The following KCND3 variants were observed in gnomAD, a reference collection of about 807,000 sequenced individuals.
The protein encoded by KCND3 is potassium voltage-gated channel subfamily D member 3, also known as A-type voltage-gated potassium channel KCND3.
Under a neutral mutation model 51.1 loss-of-function variants are expected in KCND3, and 9 were observed. The ratio of observed to expected loss-of-function variants is 0.18; its 90% CI spans 0.11 to 0.31. The LOEUF is 0.31. KCND3 is among the 10% of genes least tolerant of loss of function. The probability of loss-of-function intolerance (pLI) is 1.00; values close to 1 mark genes in which losing one functional copy is unlikely to be tolerated. For synonymous variants in KCND3, 349 were observed against 368.0 expected, an observed-to-expected ratio of 0.95 and a Z score of 0.59; for missense variants, 526 against 903.8, an observed-to-expected ratio of 0.58 and a Z score of 5.36.
intron 2 of KCND3, among the ~76,000 whole-genome samples, chr1:111,911,546 G>A (rs1670946437): frequency 6.6e-6 from 1 of 152,170 alleles, no homozygotes; most frequent in Non-Finnish European, 1.5e-5. Flanking sequence ...TGTACCAGCT[G>A]CTGTATATAG....
At position 111,775,818 on chromosome 1, in the gene KCND3, G is replaced by GGCCCCCCCCCCCCCCC; in HGVS notation, c.*258_*259insGGGGGGGGGGGGGGGC. On this transcript the variant is annotated 3_prime_UTR_variant, in exon 8 of 8. Coordinates refer to ENST00000302127, the MANE Select transcript of KCND3 (RefSeq NM_001378969.1). ...AGCCTATATCCCCCGGCCTATCCCCGACCCCCCCACCCTCCCTCCCTTCCT... is the reference window on the plus strand; with the variant it reads ...AGCCTATATCCCCCGGCCTATCCCCGGCCCCCCCCCCCCCCCACCCCCCCACCCTCCCTCCCTTCCT... The GGCCCCCCCCCCCCCCC allele has an allele frequency of 5.0e-5, 5 of 99,730 alleles. No individual in the cohort carries two copies. Among genetic ancestry groups the GGCCCCCCCCCCCCCCC allele is most frequent in the South Asian group, 2.5e-4 (2 of 8,076 alleles). The allele number at this position is 99,730 out of a possible 1,614,324, so 6.2% of individuals were successfully genotyped here. A position where few individuals can be genotyped will look rare whatever the true frequency, so the allele number is the denominator to read the frequency against.
intron 2 of KCND3, among the ~76,000 whole-genome samples, chr1:111,808,771 C>G (rs576970762): frequency 6.6e-6 from 1 of 152,340 alleles, no homozygotes; most frequent in Non-Finnish European, 1.5e-5. Context: ...ACAAAATCCC[C>G]AGCTCCAAGA....
At chr1:111,973,597 G>C (rs1674462937) in intron 2 of KCND3, among the ~76,000 whole-genome samples, 1 of 152,216 alleles carries the variant, frequency 6.6e-6, no homozygotes, top group Non-Finnish European at 1.5e-5. Context: ...ATAATGTAGG[G>C]GGGAAGTTCC....
intron 2 of KCND3, among the ~76,000 whole-genome samples, chr1:111,980,177 C>T (rs986679606): frequency 4.0e-5 from 6 of 149,962 alleles, no homozygotes; most frequent in Non-Finnish European, 8.9e-5. Context: ...CATTCTTACC[C>T]ACTCTGGGTG....
intron 6 of KCND3, 38 bp downstream of exon 6, chr1:111,778,396 CAG>C (rs1377672431): frequency 6.3e-7 from 1 of 1,575,144 alleles, no homozygotes. Flanking sequence ...TCAGAATTAT[CAG>C]AGAGAAAAAC....
chr1:111,889,370 C>T (rs1669722861), intron 2 of KCND3, among the ~76,000 whole-genome samples: 1 of 152,198 alleles, frequency 6.6e-6, no homozygotes, highest in Non-Finnish European at 1.5e-5. Context: ...CAGATAATCA[C>T]TCAATAGGCA....
intron 2 of KCND3, among the ~76,000 whole-genome samples, chr1:111,935,551 C>A (rs1057309659): frequency 4.6e-5 from 7 of 152,088 alleles, no homozygotes; most frequent in Non-Finnish European, 1.0e-4. Flanking sequence ...ATACACTTGG[C>A]AATGATTAAT....
chr1:111,775,820 C>CT lies in KCND3; in HGVS notation c.*256_*257insA. The CT allele has an allele frequency of 1.6e-5, 2 of 124,964 alleles. No individual in the cohort carries two copies. Among genetic ancestry groups the CT allele is most frequent in the Non-Finnish European group, 3.3e-5 (2 of 60,304 alleles). 7.7% of individuals were successfully genotyped at this position (124,964 alleles called of 1,614,324 possible). On this transcript the variant is annotated 3_prime_UTR_variant, in exon 8 of 8. Transcript: ENST00000302127. ...CCTATATCCCCCGGCCTATCCCCGA[C>CT]CCCCCCACCCTCCCTCCCTTCCTCT...
At chr1:111,778,958 C>T (rs951080881) in intron 5 of KCND3, among the ~76,000 whole-genome samples, 1 of 152,184 alleles carries the variant, frequency 6.6e-6, no homozygotes, top group Non-Finnish European at 1.5e-5. Context: ...TTTCAATTTA[C>T]ACATTCCACC....
chr1:111,957,065 G>A (rs1673379129), intron 2 of KCND3, among the ~76,000 whole-genome samples: 1 of 152,210 alleles, frequency 6.6e-6, no homozygotes, highest in South Asian at 2.1e-4. Flanking sequence ...ACAATAAGGG[G>A]AGGAAAACAT....
chr1:111,824,751 C>A (rs1666500214), intron 2 of KCND3, among the ~76,000 whole-genome samples: 1 of 152,182 alleles, frequency 6.6e-6, no homozygotes. Context: ...AGATGCCAGA[C>A]CCCTCATCCA....
At chr1:111,801,646 C>T (rs921021877) in intron 2 of KCND3, among the ~76,000 whole-genome samples, 1 of 152,188 alleles carries the variant, frequency 6.6e-6, no homozygotes, top group African/African-American at 2.4e-5. Flanking sequence ...TATATGGCCA[C>T]CAGGTGTCCC....
intron 2 of KCND3, among the ~76,000 whole-genome samples, chr1:111,817,482 G>A (rs552804136): frequency 1.3e-5 from 2 of 152,088 alleles, no homozygotes; most frequent in Admixed American, 6.5e-5. Flanking sequence ...GCACAGACCC[G>A]ACACCGACCC....
intron 2 of KCND3, among the ~76,000 whole-genome samples, chr1:111,908,195 T>C (rs892992175): frequency 6.6e-6 from 1 of 152,236 alleles, no homozygotes; most frequent in Non-Finnish European, 1.5e-5. Context: ...GCACCTATCA[T>C]ATGTCTGGAA....
At chr1:111,880,187 T>C (rs1284524285) in intron 2 of KCND3, among the ~76,000 whole-genome samples, 2 of 152,196 alleles carry the variant, frequency 1.3e-5, no homozygotes, top group Non-Finnish European at 2.9e-5. Flanking sequence ...AAGAATTATA[T>C]ATCTAATAAT....
chr1:111,864,228 A>G (rs1030355520), intron 2 of KCND3, among the ~76,000 whole-genome samples: 4 of 152,154 alleles, frequency 2.6e-5, no homozygotes, highest in African/African-American at 9.7e-5. Context: ...GCACTCACTG[A>G]TAAGAGCTGG....
intron 2 of KCND3, among the ~76,000 whole-genome samples, chr1:111,868,869 C>T (rs745367319): frequency 2.0e-5 from 3 of 152,106 alleles, no homozygotes; most frequent in African/African-American, 4.8e-5. Flanking sequence ...CTCTGTCTCC[C>T]GAGTAGCCGG....
intron 3 of KCND3, among the ~76,000 whole-genome samples, chr1:111,784,103 T>TCA (rs369429634): frequency 0.037 from 4,327 of 117,486 alleles, 105 homozygotes; most frequent in South Asian, 0.13. Context: ...CATTAACTTA[T>TCA]CACACACACA....
intron 2 of KCND3, among the ~76,000 whole-genome samples, chr1:111,846,939 C>A (rs1413146066): frequency 6.6e-6 from 1 of 152,226 alleles, no homozygotes; most frequent in Non-Finnish European, 1.5e-5. Context: ...TGTTCTCCTA[C>A]TGGGTCTCCC....
Sources: gnomAD v4.1 joint callset for allele counts (sites outside exome capture counted in the v4.1 genomes callset) on GRCh38, gnomAD v4.1.1 for gene constraint, MANE v1.5 for transcripts, NCBI Gene and HGNC (gene_info 2026-07-23, HGNC 2026-07-21) for gene names.